NREP: variants seen among roughly 807,000 people sequenced by gnomAD.
NREP encodes neuronal regeneration related protein, also known as neuronal regeneration-related protein.
A neutral mutation model predicts 8.6 loss-of-function variants in NREP; 5 were observed. The observed-to-expected ratio is 0.58, with a 90% confidence interval of 0.30 to 1.22. The LOEUF (loss-of-function observed/expected upper bound fraction) is 1.22, where lower values mean the gene tolerates loss of function less well. Among genes scored for constraint, NREP ranks in the 50% most tolerant of loss-of-function variants. The pLI is 0.07. For missense variants in NREP, 86 were observed against 82.5 expected (o/e 1.04, Z -0.17); for synonymous variants, 27 against 28.0 (o/e 0.96, Z 0.11).
chr5:111,766,788 G>C (rs1320049288), intron 2 of NREP, among the ~76,000 whole-genome samples: 1 of 152,220 alleles, frequency 6.6e-6, no homozygotes, highest in Non-Finnish European at 1.5e-5. Context: ...TGGTGAAGGA[G>C]AAGGGCCAAA....
intron 2 of NREP, among the ~76,000 whole-genome samples, chr5:111,915,378 CAG>C (rs1755027973): frequency 6.6e-6 from 1 of 152,004 alleles, no homozygotes; most frequent in South Asian, 2.1e-4. Context: ...ATCCTCATTG[CAG>C]AGTTAACCTC....
chr5:111,955,496 CAAAAAAA>C (rs70973621), intron 2 of NREP, among the ~76,000 whole-genome samples: 66,108 of 140,784 alleles, frequency 0.47, 15,818 homozygotes, highest in Non-Finnish European at 0.56. Flanking sequence ...AAACAAAAAA[CAAAAAAA>C]AAAAACACAT....
chr5:111,753,516 C>T (rs184119417), intron 2 of NREP, among the ~76,000 whole-genome samples: 45 of 151,834 alleles, frequency 3.0e-4, no homozygotes, highest in African/African-American at 9.4e-4. Context: ...GTCACTGTTA[C>T]GAATTCTGGA....
intron 2 of NREP, among the ~76,000 whole-genome samples, chr5:111,953,722 TG>T (rs1756230952): frequency 6.6e-6 from 1 of 151,912 alleles, no homozygotes. Context: ...GAATTCTGCT[TG>T]GGAAAGAGGA....
intron 2 of NREP, among the ~76,000 whole-genome samples, chr5:111,909,333 C>A (rs1325224889): frequency 6.6e-6 from 1 of 152,000 alleles, no homozygotes. Context: ...CTTCCCTTAA[C>A]CAATGGTTTA....
intron 2 of NREP, among the ~76,000 whole-genome samples, chr5:111,924,461 A>G (rs1034011921): frequency 1.3e-5 from 2 of 151,124 alleles, no homozygotes; most frequent in Non-Finnish European, 3.0e-5. Flanking sequence ...GGTATGAGAA[A>G]AAAAAAAAAG....
intron 2 of NREP, among the ~76,000 whole-genome samples, chr5:111,823,082 G>T (rs1343166948): frequency 6.6e-6 from 1 of 152,188 alleles, no homozygotes; most frequent in African/African-American, 2.4e-5. Context: ...TGAACTCATG[G>T]GGGAAGACTA....
chr5:111,785,952 T>A (rs1751600048), intron 2 of NREP, among the ~76,000 whole-genome samples: 1 of 152,186 alleles, frequency 6.6e-6, no homozygotes, highest in Non-Finnish European at 1.5e-5. Flanking sequence ...GAGCAGGATC[T>A]GGAAAGAAAA....
intron 2 of NREP, among the ~76,000 whole-genome samples, chr5:111,809,761 C>G (rs1752226795): frequency 6.6e-6 from 1 of 152,058 alleles, no homozygotes; most frequent in African/African-American, 2.4e-5. Context: ...TAAATTACCC[C>G]ATTTCTGATA....
At chr5:111,731,358 C>T (rs1581017897) in intron 3 of NREP, among the ~76,000 whole-genome samples, 1 of 147,194 alleles carries the variant, frequency 6.8e-6, no homozygotes, top group East Asian at 2.0e-4. Context: ...GGGACAGTTT[C>T]TAGTATCAGA....
chr5:111,804,282 G>A (rs944973044), intron 2 of NREP, among the ~76,000 whole-genome samples: 1 of 152,182 alleles, frequency 6.6e-6, no homozygotes, highest in African/African-American at 2.4e-5. Context: ...TGGAGGAATA[G>A]ATAGACTTTT....
At chr5:111,837,804 C>G (rs778873721) in intron 2 of NREP, among the ~76,000 whole-genome samples, 1 of 152,026 alleles carries the variant, frequency 6.6e-6, no homozygotes, top group Non-Finnish European at 1.5e-5. Flanking sequence ...GTAGCATAGT[C>G]AGATTACCTT....
chr5:111,806,881 A>G lies in NREP; in HGVS notation c.136-71374T>C, dbSNP rs79100948. On this transcript the variant is annotated intron_variant, in intron 2 of 3. Coordinates refer to the NREP transcript ENST00000395634. ...TGTACTTTACTAACAGGTTCCTGGTATGGGCATTAGACTCCCAGAGATCAT... is the reference window on the plus strand; with the variant it reads ...TGTACTTTACTAACAGGTTCCTGGTGTGGGCATTAGACTCCCAGAGATCAT... Among the ~76,000 whole-genome samples the G allele has an allele frequency of 1.6e-4, 24 of 152,166 alleles. No homozygotes were observed. In the East Asian group the frequency reaches 2.9e-3, roughly 18 times the overall value.
chr5:111,952,445 T>A (rs1197604789), intron 2 of NREP, among the ~76,000 whole-genome samples: 6 of 152,176 alleles, frequency 3.9e-5, no homozygotes, highest in Non-Finnish European at 8.8e-5. Context: ...TGTGTTGGAA[T>A]AGCAAGTGTT....
chr5:111,873,715 C>A (rs1753840740), intron 2 of NREP, among the ~76,000 whole-genome samples: 1 of 152,136 alleles, frequency 6.6e-6, no homozygotes. Context: ...AGGATAATCC[C>A]CCCATGTCAA....
chr5:111,806,780 G>C (rs1374325120), intron 2 of NREP, among the ~76,000 whole-genome samples: 1 of 152,142 alleles, frequency 6.6e-6, no homozygotes, highest in Non-Finnish European at 1.5e-5. Context: ...CTCTGGCCTT[G>C]TCTCGGAAAT....
intron 2 of NREP, among the ~76,000 whole-genome samples, chr5:111,828,406 T>A (rs759035138): frequency 6.6e-6 from 1 of 152,110 alleles, no homozygotes; most frequent in African/African-American, 2.4e-5. Context: ...GGAGGGGATG[T>A]GCTACTTTGG....
At chr5:111,894,334 G>A (rs1754459532) in intron 2 of NREP, among the ~76,000 whole-genome samples, 2 of 152,112 alleles carry the variant, frequency 1.3e-5, no homozygotes, top group Middle Eastern at 3.4e-3. Context: ...TATTTATAAT[G>A]TACAATTTTA....
intron 2 of NREP, among the ~76,000 whole-genome samples, chr5:111,972,404 G>A (rs1756846288): frequency 6.6e-6 from 1 of 152,142 alleles, no homozygotes; most frequent in African/African-American, 2.4e-5. Context: ...TTGTTTTTCA[G>A]GATTGCAGTG....
Sources: gnomAD v4.1 joint callset for allele counts (sites outside exome capture counted in the v4.1 genomes callset) on GRCh38, gnomAD v4.1.1 for gene constraint, MANE v1.5 for transcripts, NCBI Gene and HGNC (gene_info 2026-07-23, HGNC 2026-07-21) for gene names.